ASB15: variants seen among roughly 807,000 people sequenced by gnomAD.
ASB15 encodes ankyrin repeat and SOCS box protein 15.
ASB15 carries 54 observed loss-of-function variants against 58.0 expected under a neutral mutation model. That is an observed-to-expected ratio of 0.93 (90% confidence interval 0.75 to 1.17). ASB15 has a LOEUF of 1.17. Ranked by LOEUF, ASB15 falls within the 50% of genes most tolerant of loss-of-function variation. ASB15 has a pLI of 0.00. For missense variants in ASB15, 680 were observed against 707.4 expected, an observed-to-expected ratio of 0.96 and a Z score of 0.44; for synonymous variants, 249 against 262.4, an observed-to-expected ratio of 0.95 and a Z score of 0.50.
chr7:123,623,969 AAGAAAGAAAG>A (rs1801577473), intron 7 of ASB15, among the ~76,000 whole-genome samples: 1 of 137,410 alleles, frequency 7.3e-6, no homozygotes, highest in Non-Finnish European at 1.6e-5. Context: ...GAAAGAAAGA[AAGAAAGAAAG>A]AAAGAAAGAA....
chr7:123,584,424 C>T (rs893997682), intron 1 of ASB15, among the ~76,000 whole-genome samples: 1 of 151,844 alleles, frequency 6.6e-6, no homozygotes, highest in Non-Finnish European at 1.5e-5. Flanking sequence ...TAAAGCTCCC[C>T]AGGTGATTCC....
chr7:123,630,061 T>C lies in ASB15; in HGVS notation c.1536T>C (p.Ala512=). ...IDYMDYVPLC[A]KLKSALEVQR... ...ACATGGATTATGTTCCTCTGTGTGC[T>C]AAACTGAAGTCTGCACTAGAAGTAC... The change falls in exon 11 of 12, where the codon GCT becomes GCC. Residue 512 remains alanine (A), a synonymous_variant. Coordinates refer to ENST00000451215, the MANE Select transcript of ASB15 (RefSeq NM_001290258.2). The C allele has an allele frequency of 1.2e-6, 2 of 1,609,422 alleles. No homozygotes were observed. The highest frequency in any genetic ancestry group is 1.7e-6 in the Non-Finnish European group (2 of 1,176,798).
intron 4 of ASB15, 21 bp from the exon 5 acceptor site, chr7:123,616,200 T>C (rs1800805196): frequency 6.5e-7 from 1 of 1,546,046 alleles, no homozygotes. Context: ...AGTATAAATA[T>C]TATTTTTCTT....
chr7:123,611,405 C>T (rs1800449628), intron 3 of ASB15, among the ~76,000 whole-genome samples: 1 of 152,168 alleles, frequency 6.6e-6, no homozygotes, highest in African/African-American at 2.4e-5. Context: ...CGCCATTCTC[C>T]TGCCTCAGTC....
intron 1 of ASB15, among the ~76,000 whole-genome samples, chr7:123,572,984 T>A (rs898439404): frequency 1.3e-5 from 2 of 152,152 alleles, no homozygotes; most frequent in Admixed American, 6.5e-5. Flanking sequence ...TGGTGACCTA[T>A]CAAATTTTAA....
chr7:123,629,024 C>CA lies in ASB15; in HGVS notation c.1031dup (p.Ser345GlufsTer3). 6.2e-7 allele frequency: 1 copy of CA among 1,613,798 alleles called. No individual in the cohort carries two copies. The highest frequency in any genetic ancestry group is 1.1e-5 in the South Asian group (1 of 91,016). On this transcript the variant is annotated frameshift_variant, in exon 10 of 12. Transcript: ENST00000451215. LOFTEE classifies it high-confidence loss of function. ...CACTCTACTTGCTGACCACATTTCC[C>CA]AGAGCTATGACGATGAGAGGAAGAC...
intron 1 of ASB15, among the ~76,000 whole-genome samples, chr7:123,571,308 G>C (rs1197112685): frequency 6.6e-6 from 1 of 152,080 alleles, no homozygotes; most frequent in African/African-American, 2.4e-5. Context: ...GTTGTACTGT[G>C]GTTTTTAATT....
chr7:123,629,795 C>CTGA (rs1245454992), intron 10 of ASB15, among the ~76,000 whole-genome samples, 171 bp from the exon 11 acceptor site: 1 of 152,122 alleles, frequency 6.6e-6, no homozygotes, highest in Non-Finnish European at 1.5e-5. Context: ...GTCTTCAGGG[C>CTGA]TGATGGTTTC....
At chr7:123,599,168 T>C (rs1487244267), upstream of ASB15, among the ~76,000 whole-genome samples, 1 of 151,702 alleles carries the variant, frequency 6.6e-6, no homozygotes, top group Non-Finnish European at 1.5e-5. Flanking sequence ...TATACCAAAG[T>C]GAAAATGAAG....
At chr7:123,579,430 T>C (rs1333085119) in intron 1 of ASB15, among the ~76,000 whole-genome samples, 1 of 152,138 alleles carries the variant, frequency 6.6e-6, no homozygotes, top group Non-Finnish European at 1.5e-5. Context: ...AATAGTTATA[T>C]GTTTGTTCTA....
At chr7:123,584,776 T>C (rs1201178080) in intron 1 of ASB15, 4 of 151,966 alleles carry the variant, frequency 2.6e-5, no homozygotes, top group African/African-American at 9.7e-5. Flanking sequence ...AGAATAAATA[T>C]GTCAGGAATA....
At chr7:123,619,003 G>A (rs909850971) in intron 7 of ASB15, among the ~76,000 whole-genome samples, 11 of 151,702 alleles carry the variant, frequency 7.3e-5, no homozygotes, top group East Asian at 3.9e-4. Flanking sequence ...GTGAAACCCC[G>A]TCTCTACTAA....
intron 1 of ASB15, among the ~76,000 whole-genome samples, chr7:123,569,996 A>G (rs949595713): frequency 2.0e-5 from 3 of 151,616 alleles, no homozygotes; most frequent in East Asian, 3.9e-4. Flanking sequence ...AGTCACTGTC[A>G]ACAATACCTA....
intron 3 of ASB15, among the ~76,000 whole-genome samples, chr7:123,613,128 C>A (rs1800568899): frequency 6.6e-6 from 1 of 151,892 alleles, no homozygotes; most frequent in African/African-American, 2.4e-5. Context: ...GAACAATGAA[C>A]AATTAATCAT....
chr7:123,569,659 G>C (rs1584715710), intron 1 of ASB15, among the ~76,000 whole-genome samples: 1 of 152,126 alleles, frequency 6.6e-6, no homozygotes, highest in Non-Finnish European at 1.5e-5. Context: ...ATAAAATCCA[G>C]CTGAACAAGA....
At chr7:123,606,262 C>T (rs1041557060) in intron 2 of ASB15, among the ~76,000 whole-genome samples, 3 of 152,120 alleles carry the variant, frequency 2.0e-5, no homozygotes, top group Non-Finnish European at 4.4e-5. Flanking sequence ...AAATGAATTG[C>T]TCTTTCAAAT....
chr7:123,594,112 G>A (rs946193823), intron 1 of ASB15, among the ~76,000 whole-genome samples: 1 of 151,970 alleles, frequency 6.6e-6, no homozygotes, highest in Non-Finnish European at 1.5e-5. Flanking sequence ...TTCTCGTACT[G>A]TGGTTTTCAG....
chr7:123,569,656 CCAG>C (rs1280236297), intron 1 of ASB15, among the ~76,000 whole-genome samples: 18 of 152,250 alleles, frequency 1.2e-4, no homozygotes, highest in African/African-American at 4.3e-4. Flanking sequence ...ATTATAAAAT[CCAG>C]CTGAACAAGA....
At chr7:123,631,200 C>T (rs1213846492) in intron 11 of ASB15, among the ~76,000 whole-genome samples, 1 of 152,072 alleles carries the variant, frequency 6.6e-6, no homozygotes, top group Middle Eastern at 3.2e-3. Context: ...GAGCAAGTTA[C>T]TTATTCTTCT....
Sources: allele counts gnomAD v4.1 joint callset (sites outside exome capture counted in the v4.1 genomes callset), GRCh38; gene constraint gnomAD v4.1.1; transcripts MANE v1.5; gene names NCBI Gene and HGNC (gene_info 2026-07-23, HGNC 2026-07-21).